The following CSMD2 variants were observed in gnomAD, a reference collection of about 807,000 sequenced individuals.
CSMD2 encodes the protein CUB and sushi domain-containing protein 2.
In CSMD2, 130 loss-of-function variants were observed where a neutral mutation model predicts 398.5. The ratio of observed to expected loss-of-function variants is 0.33; its 90% confidence interval spans 0.28 to 0.38. The LOEUF is 0.38. Among genes scored for constraint, CSMD2 ranks in the 10% least tolerant of loss-of-function variants. CSMD2 has a pLI of 1.00. For missense variants in CSMD2, 3,829 were observed against 4,764.9 expected, an observed-to-expected ratio of 0.80 and a Z score of 5.78; for synonymous variants, 1,828 against 1,908.5, an observed-to-expected ratio of 0.96 and a Z score of 1.10.
intron 1 of CSMD2, among the ~76,000 whole-genome samples, chr1:34,160,970 T>C (rs1177879047): frequency 6.6e-6 from 1 of 151,964 alleles, no homozygotes; most frequent in Admixed American, 6.5e-5. Flanking sequence ...ATATTGCTTT[T>C]TAAAAATTAG....
intron 29 of CSMD2, among the ~76,000 whole-genome samples, chr1:33,640,640 A>G (rs1419757341): frequency 6.6e-6 from 1 of 152,164 alleles, no homozygotes; most frequent in Non-Finnish European, 1.5e-5. Context: ...ACATTACTTT[A>G]TATTTATAGA....
intron 40 of CSMD2, among the ~76,000 whole-genome samples, chr1:33,613,493 T>C (rs566842517): frequency 6.6e-6 from 1 of 152,314 alleles, no homozygotes; most frequent in African/African-American, 2.4e-5. Context: ...CTTCAGAAGA[T>C]GGTACTGAAC....
In CSMD2 at chr1:33,794,739, C is replaced by T. The variant is rs189681343; in HGVS notation, c.1447-2213G>A. 4.5e-4 allele frequency among the ~76,000 whole-genome samples: 69 copies of T among 152,240 alleles called. 1 individual carries two copies. In the East Asian group the frequency reaches 0.012, roughly 26 times the overall value. ...AGAGTTGAAAGCTCGGAGTCCAATT[C>T]GCAGCAAGGTCTAGGTGAGGTGGGA... On this transcript the variant is annotated intron_variant, in intron 10 of 70. Coordinates refer to ENST00000373381, the MANE Select transcript of CSMD2 (RefSeq NM_001281956.2).
rs556186250 is a variant in CSMD2 at position 33,615,821 on chromosome 1, A to G, written c.6016+1085T>C. On this transcript the variant is annotated intron_variant, in intron 39 of 70. Coordinates refer to ENST00000373381, the MANE Select transcript of CSMD2 (RefSeq NM_001281956.2). Reference sequence around the variant, plus strand: ...ATGCCCTACACCGTGGTGAAACCACAGAAGAGAAATGCCATCGTGCTTGAG... The same window carrying G: ...ATGCCCTACACCGTGGTGAAACCACGGAAGAGAAATGCCATCGTGCTTGAG... 5.9e-5 allele frequency among the ~76,000 whole-genome samples: 9 copies of G among 152,356 alleles called. No individual in the cohort carries two copies. In the South Asian group the frequency reaches 1.9e-3, roughly 32 times the overall value.
chr1:34,023,103 T>C (rs1649140510), intron 3 of CSMD2, among the ~76,000 whole-genome samples: 1 of 152,152 alleles, frequency 6.6e-6, no homozygotes, highest in Admixed American at 6.5e-5. Flanking sequence ...CCCAAAGTAC[T>C]AGGATTACAG....
At chr1:33,873,919 C>T (rs1640651109) in intron 5 of CSMD2, 1 of 152,268 alleles carries the variant, frequency 6.6e-6, no homozygotes, top group Admixed American at 6.5e-5. Context: ...TCCCCAGGGC[C>T]TTTGCACATA....
At chr1:33,900,742 T>C (rs1229440765) in intron 5 of CSMD2, among the ~76,000 whole-genome samples, 2 of 151,110 alleles carry the variant, frequency 1.3e-5, no homozygotes, top group Non-Finnish European at 2.9e-5. Flanking sequence ...ATCATGCCAT[T>C]GCACTCCAGC....
chr1:33,665,955 A>C (rs1644303318), intron 25 of CSMD2, among the ~76,000 whole-genome samples: 1 of 152,160 alleles, frequency 6.6e-6, no homozygotes, highest in Non-Finnish European at 1.5e-5. Context: ...TTTGCCTAAG[A>C]TGTATCTGAC....
At chr1:33,694,940 T>C (rs963020273) in intron 24 of CSMD2, among the ~76,000 whole-genome samples, 2 of 151,828 alleles carry the variant, frequency 1.3e-5, no homozygotes, top group African/African-American at 4.8e-5. Context: ...CCTGGAAGAG[T>C]TTACTGTCTA....
chr1:33,624,996 G>T lies in CSMD2; in HGVS notation c.5500+55C>A, dbSNP rs1406533057. On this transcript the variant is annotated intron_variant, in intron 34 of 70. Coordinates refer to ENST00000373381, the MANE Select transcript of CSMD2 (RefSeq NM_001281956.2). The surrounding 1 kb of genome is among the most constrained non-coding windows in gnomAD (Gnocchi z 4.7). ...TGGGGCTGACTGCCTCCCCTACAGAGAAAGGACTACGTGCCGCCCCCCGCA... is the reference window on the plus strand; with the variant it reads ...TGGGGCTGACTGCCTCCCCTACAGATAAAGGACTACGTGCCGCCCCCCGCA... 1.9e-6 allele frequency: 3 copies of T among 1,559,076 alleles called. No individual in the cohort carries two copies. Among genetic ancestry groups the T allele is most frequent in the African/African-American group, 2.7e-5 (2 of 73,838 alleles).
At chr1:33,609,682 A>G (rs954572880) in intron 41 of CSMD2, among the ~76,000 whole-genome samples, 4 of 152,224 alleles carry the variant, frequency 2.6e-5, no homozygotes, top group South Asian at 2.1e-4. Flanking sequence ...TTAACTTTAA[A>G]AAACAAAATT....
intron 3 of CSMD2, among the ~76,000 whole-genome samples, chr1:34,011,657 T>A (rs909014890): frequency 1.3e-5 from 2 of 152,182 alleles, no homozygotes; most frequent in Non-Finnish European, 2.9e-5. Context: ...AGGCATGCAA[T>A]GGGTGATAAT....
At chr1:33,752,351 G>A (rs1240758404) in intron 13 of CSMD2, among the ~76,000 whole-genome samples, 1 of 152,106 alleles carries the variant, frequency 6.6e-6, no homozygotes, top group Non-Finnish European at 1.5e-5. Flanking sequence ...CATGAAATCT[G>A]GTTTCTTAAG....
At chr1:33,608,041 C>T (rs1453794112) in intron 41 of CSMD2, among the ~76,000 whole-genome samples, 1 of 152,150 alleles carries the variant, frequency 6.6e-6, no homozygotes, top group African/African-American at 2.4e-5. Context: ...GACACTAGTC[C>T]CGAATGTTGG....
chr1:34,161,223 G>T (rs1343611649), intron 1 of CSMD2, among the ~76,000 whole-genome samples: 1 of 152,166 alleles, frequency 6.6e-6, no homozygotes, highest in Non-Finnish European at 1.5e-5. Flanking sequence ...GCTCTGGAAG[G>T]GAAATATCTA....
In CSMD2 at chr1:33,714,732, G is replaced by A. The variant is rs545464906; in HGVS notation, c.3261C>T (p.Tyr1087=). Residue 1087 remains tyrosine, a synonymous_variant, in exon 21 of 71, where the codon TAC becomes TAT. Coordinates refer to ENST00000373381, the MANE Select transcript of CSMD2 (RefSeq NM_001281956.2). ...CAAACTGCAAGCCCTTCCGGATGCT[G>A]TAGGCTGGGACCTCGGGCTCCTCAC... ...EPCEEPEVPA[Y]SIRKGLQFGV... is the part of the protein sequence containing the mutation. The A allele has an allele frequency of 4.3e-6, 7 of 1,614,154 alleles. No homozygotes were observed. The South Asian group carries it at 6.6e-5, about 15-fold the overall frequency.
chr1:34,047,110 T>G, intron 2 of CSMD2, among the ~76,000 whole-genome samples: 1 of 152,074 alleles, frequency 6.6e-6, no homozygotes, highest in Non-Finnish European at 1.5e-5. Context: ...AGCCAAAGTC[T>G]TCATAATGGT....
At chr1:33,620,769 C>T (rs1356310842) in intron 37 of CSMD2, among the ~76,000 whole-genome samples, 1 of 150,160 alleles carries the variant, frequency 6.7e-6, no homozygotes, top group African/African-American at 2.5e-5. Context: ...CTGTCCTACC[C>T]TTTACCCTGC....
At chr1:33,652,681 C>G (rs1008009988) in intron 27 of CSMD2, among the ~76,000 whole-genome samples, 3 of 152,160 alleles carry the variant, frequency 2.0e-5, no homozygotes, top group Non-Finnish European at 4.4e-5. Context: ...TTCGAAAGTA[C>G]CAGATGCCAC....
Sources: allele counts gnomAD v4.1 joint callset (sites outside exome capture counted in the v4.1 genomes callset), GRCh38; gene constraint gnomAD v4.1.1; non-coding constraint Gnocchi (gnomAD v3.1); transcripts MANE v1.5; gene names NCBI Gene and HGNC (gene_info 2026-07-23, HGNC 2026-07-21).